SLC24A2: variants seen among roughly 807,000 people sequenced by gnomAD.
SLC24A2 encodes sodium/potassium/calcium exchanger 2.
In SLC24A2, 36 loss-of-function variants were observed where a neutral mutation model predicts 62.0. That is an observed-to-expected ratio of 0.58 (90% CI 0.44 to 0.77). The LOEUF (loss-of-function observed/expected upper bound fraction) is 0.77. Among genes scored for constraint, SLC24A2 ranks in the 30% least tolerant of loss-of-function variants. The probability of loss-of-function intolerance (pLI) is 0.00; values close to 1 mark genes in which losing one functional copy is unlikely to be tolerated. For synonymous variants in SLC24A2, 358 were observed against 294.0 expected (o/e 1.22, Z -2.23); for missense variants, 846 against 817.9 (o/e 1.03, Z -0.42).
intron 4 of SLC24A2, among the ~76,000 whole-genome samples, chr9:19,611,836 C>G (rs897413175): frequency 6.6e-6 from 1 of 152,146 alleles, no homozygotes; most frequent in Non-Finnish European, 1.5e-5. Flanking sequence ...CTGGGCTCTA[C>G]TATGGAGTTA....
chr9:19,686,434 T>G (rs779153252), intron 2 of SLC24A2, among the ~76,000 whole-genome samples: 18 of 152,046 alleles, frequency 1.2e-4, no homozygotes, highest in Non-Finnish European at 2.2e-4. Context: ...TATAAATCAT[T>G]CTACCATAAA....
chr9:19,817,750 G>A, the SLC24A2 span, among the ~76,000 whole-genome samples: 1 of 151,950 alleles, frequency 6.6e-6, no homozygotes, highest in Non-Finnish European at 1.5e-5. Flanking sequence ...TTTTTTAAGA[G>A]ACAAATTCTT....
the SLC24A2 span, among the ~76,000 whole-genome samples, chr9:19,981,220 C>G: frequency 2.7e-4 from 41 of 152,266 alleles, no homozygotes; most frequent in Non-Finnish European, 5.0e-4. Context: ...ATATATGTAG[C>G]TCACTGGCCC....
intron 5 of SLC24A2, among the ~76,000 whole-genome samples, chr9:19,593,220 ATCTC>A (rs1235201786): frequency 5.2e-4 from 79 of 152,346 alleles, no homozygotes; most frequent in Middle Eastern, 3.4e-3. Context: ...GGGTCTACTC[ATCTC>A]ATGCCTGTGT....
chr9:19,621,188 G>A lies in SLC24A2; in HGVS notation c.969+1073C>T, dbSNP rs561607785. 9.2e-5 allele frequency among the ~76,000 whole-genome samples: 14 copies of A among 152,310 alleles called. 1 individual carries two copies. The highest frequency in any genetic ancestry group is 6.2e-4 in the South Asian group (3 of 4,826). ...ACATTTGGAGACAAACATGAAACCC[G>A]TAGAAAGTATGAGTAAAATATCACT... On this transcript the variant is annotated intron_variant, in intron 3 of 10. Transcript: ENST00000341998.
the SLC24A2 span, among the ~76,000 whole-genome samples, chr9:19,990,494 C>T: frequency 2.6e-5 from 4 of 151,656 alleles, no homozygotes; most frequent in East Asian, 1.9e-4. Flanking sequence ...ACCTGTAGTC[C>T]CAGCTACTTG....
chr9:19,559,853 C>A (rs1835304873), intron 7 of SLC24A2, among the ~76,000 whole-genome samples: 1 of 152,182 alleles, frequency 6.6e-6, no homozygotes, highest in Non-Finnish European at 1.5e-5. Flanking sequence ...TAATGACCTT[C>A]CTTATGTCAA....
chr9:19,944,438 TAGTA>T, the SLC24A2 span, among the ~76,000 whole-genome samples: 1 of 108,366 alleles, frequency 9.2e-6, no homozygotes, highest in African/African-American at 3.8e-5. Context: ...ATAAAAGTAG[TAGTA>T]AAAAAAAAAA....
At chr9:19,998,257 T>C in the SLC24A2 span, among the ~76,000 whole-genome samples, 3 of 152,102 alleles carry the variant, frequency 2.0e-5, no homozygotes, top group Admixed American at 6.6e-5. Context: ...TGTGCCCCTC[T>C]TCAGAAATGG....
At chr9:20,136,775 T>C in the SLC24A2 span, among the ~76,000 whole-genome samples, 1 of 152,130 alleles carries the variant, frequency 6.6e-6, no homozygotes, top group Non-Finnish European at 1.5e-5. Context: ...AAAACACTTA[T>C]TTTCTCAGCT....
the SLC24A2 span, among the ~76,000 whole-genome samples, chr9:20,264,503 A>C: frequency 6.6e-6 from 1 of 152,192 alleles, no homozygotes; most frequent in Non-Finnish European, 1.5e-5. Context: ...TTCTTGGTGG[A>C]ATGGTAGCAT....
chr9:19,857,898 C>A, the SLC24A2 span, among the ~76,000 whole-genome samples: 1 of 151,886 alleles, frequency 6.6e-6, no homozygotes, highest in Non-Finnish European at 1.5e-5. Flanking sequence ...GCTAGAACCT[C>A]CTGTATAACA....
chr9:19,880,532 A>T, the SLC24A2 span, among the ~76,000 whole-genome samples: 20 of 152,238 alleles, frequency 1.3e-4, no homozygotes, highest in African/African-American at 4.3e-4. Flanking sequence ...AATTTAGTTT[A>T]TAAAGTCAAT....
chr9:20,059,552 T>C, the SLC24A2 span, among the ~76,000 whole-genome samples: 2 of 152,070 alleles, frequency 1.3e-5, no homozygotes, highest in Non-Finnish European at 1.5e-5. Context: ...CTCTTTAAAC[T>C]GGGCAGAAAA....
At chr9:19,536,225 A>G (rs985762722) in intron 8 of SLC24A2, among the ~76,000 whole-genome samples, 2 of 147,502 alleles carry the variant, frequency 1.4e-5, no homozygotes, top group African/African-American at 5.0e-5. Context: ...TTACACTTTA[A>G]GTTTTAGGGT....
At chr9:20,202,438 A>G in the SLC24A2 span, among the ~76,000 whole-genome samples, 3 of 152,158 alleles carry the variant, frequency 2.0e-5, no homozygotes, top group Admixed American at 1.3e-4. Flanking sequence ...CGACAGGCGC[A>G]TTTGTGTTGA....
At chr9:20,232,787 G>A in the SLC24A2 span, among the ~76,000 whole-genome samples, 3,276 of 150,062 alleles carry the variant, frequency 0.022, 129 homozygotes, top group African/African-American at 0.074. Context: ...GCTTTTGAAT[G>A]TGCTTTTCTC....
chr9:20,195,111 A>T, the SLC24A2 span, among the ~76,000 whole-genome samples: 1 of 152,150 alleles, frequency 6.6e-6, no homozygotes, highest in African/African-American at 2.4e-5. Context: ...TGGAACATGT[A>T]ATTTTAATGT....
At chr9:20,008,108 C>G in the SLC24A2 span, among the ~76,000 whole-genome samples, 1 of 151,786 alleles carries the variant, frequency 6.6e-6, no homozygotes, top group Non-Finnish European at 1.5e-5. Flanking sequence ...ATTGGCCAGG[C>G]TGGTCTTGAA....
Sources: gnomAD v4.1 joint callset for allele counts (sites outside exome capture counted in the v4.1 genomes callset) on GRCh38, gnomAD v4.1.1 for gene constraint, MANE v1.5 for transcripts, NCBI Gene and HGNC (gene_info 2026-07-23, HGNC 2026-07-21) for gene names.